The following MTX3 variants were observed in gnomAD, a reference collection of about 807,000 sequenced individuals.
MTX3 encodes the protein metaxin-3.
A neutral mutation model predicts 42.5 loss-of-function variants in MTX3; 27 were observed. The observed-to-expected ratio is 0.64, with a 90% CI of 0.47 to 0.88. The LOEUF is 0.88. MTX3 is among the 40% of genes least tolerant of loss of function. MTX3 has a pLI of 0.00. For synonymous variants in MTX3, 144 were observed against 132.9 expected, an observed-to-expected ratio of 1.08 and a Z score of -0.57; for missense variants, 378 against 367.0, an observed-to-expected ratio of 1.03 and a Z score of -0.25.
intron 3 of MTX3, 136 bp downstream of exon 3, chr5:79,990,024 A>G (rs1352937167): frequency 2.0e-6 from 1 of 493,950 alleles, no homozygotes; most frequent in South Asian, 4.4e-5. Context: ...GTGATTCTCA[A>G]ATCTATTTTT....
intron 6 of MTX3, 24 bp downstream of exon 6, chr5:79,988,215 A>G: frequency 7.3e-7 from 1 of 1,361,504 alleles, no homozygotes; most frequent in Non-Finnish European, 1.0e-6. Flanking sequence ...AAAATACCAA[A>G]ATGATTTTTA....
rs1831365696 is a variant in MTX3 at position 79,981,212 on chromosome 5, T to C, written c.*2472A>G. On this transcript the variant is annotated 3_prime_UTR_variant, in exon 9 of 9. Coordinates refer to ENST00000512528, the MANE Select transcript of MTX3 (RefSeq NM_001363818.2). ...AGTTCTTTTCTAAGAGCTTCCTGTA[T>C]GTGTGGCTGCTCCCTAAAGTACTTT... 6.6e-6 allele frequency: 1 copy of C among 152,162 alleles called. No homozygotes were observed. Among genetic ancestry groups the C allele is most frequent in the Non-Finnish European group, 1.5e-5 (1 of 68,068 alleles). The allele number at this position is 152,162 out of a possible 1,614,324, so 9.4% of individuals were successfully genotyped here. A position where few individuals can be genotyped will look rare whatever the true frequency, so the allele number is the denominator to read the frequency against.
intron 7 of MTX3, among the ~76,000 whole-genome samples, chr5:79,986,423 T>C (rs2151141899): frequency 6.6e-6 from 1 of 152,334 alleles, no homozygotes; most frequent in East Asian, 1.9e-4. Context: ...CTCCACTCTC[T>C]CAATGAAGCA....
In MTX3 at chr5:79,990,218, G is replaced by C; in HGVS notation, c.170C>G (p.Thr57Arg). The change falls in exon 3 of 9, where the codon ACA becomes AGA. Residue 57 changes from threonine (T) to arginine (R), a missense_variant. By Grantham distance (71) the Thr-to-Arg change is moderately conservative. Transcript: ENST00000512528. ...CTGAGAAACCATGTCGTCTTCAGTT[G>C]TCAAAATTGGTACATCGCCTATAAT... ...RGSRGDVPILTTEDDMVSQPA... is the reference protein window; with the variant it reads ...RGSRGDVPILRTEDDMVSQPA... The C allele has an allele frequency of 1.2e-6, 2 of 1,608,576 alleles. No homozygotes were observed. The highest frequency in any genetic ancestry group is 1.7e-6 in the Non-Finnish European group (2 of 1,177,370).
In MTX3 at chr5:79,989,094, AGACT is replaced by A. The variant is rs141092427; in HGVS notation, c.321+54_321+57del. ...TTTTCTCATTGGTTTTTTTCTAAAC[AGACT>A]ATGTACATTTGCAACTAGGCTACTA... On this transcript the variant is annotated intron_variant, in intron 4 of 8. Coordinates refer to ENST00000512528, the MANE Select transcript of MTX3 (RefSeq NM_001363818.2). The A allele has an allele frequency of 5.5e-3, 6,572 of 1,205,508 alleles. 286 individuals carry two copies. The African/African-American group carries it at 0.091, about 17-fold the overall frequency. The allele number at this position is 1,205,508 out of a possible 1,614,324, so 74.7% of individuals were successfully genotyped here. A position where few individuals can be genotyped will look rare whatever the true frequency, so the allele number is the denominator to read the frequency against.
In MTX3 at chr5:79,987,233, G is replaced by A. The variant is rs913631644; in HGVS notation, c.582-126C>T. 11 of 721,492 alleles carry A rather than the reference G, an allele frequency of 1.5e-5. No homozygotes were observed. In the East Asian group the frequency reaches 1.6e-4, roughly 11 times the overall value. 44.7% of individuals were successfully genotyped at this position (721,492 alleles called of 1,614,324 possible). ...GCGGGGGCAGATCACTTGAGGTCAG[G>A]AGTTCCAGATAAGCCTGGCCAACAT... On this transcript the variant is annotated intron_variant, in intron 6 of 8. Transcript: ENST00000512528.
At position 79,983,610 on chromosome 5, in the gene MTX3, T is replaced by A. The variant is rs973433362; in HGVS notation, c.*74A>T. 9.3e-7 allele frequency: 1 copy of A among 1,073,754 alleles called. No homozygotes were observed. The highest frequency in any genetic ancestry group is 1.5e-6 in the Non-Finnish European group (1 of 688,362). The allele number at this position is 1,073,754 out of a possible 1,614,324, so 66.5% of individuals were successfully genotyped here. On this transcript the variant is annotated 3_prime_UTR_variant, in exon 9 of 9. Coordinates refer to ENST00000512528, the MANE Select transcript of MTX3 (RefSeq NM_001363818.2). ...CTTAATACCTATTATGGTATCTTCT[T>A]TTTGCCTTCACACACTTGGTGTAAG...
chr5:79,987,202 GATCAA>G, intron 6 of MTX3, 95 bp from the exon 7 acceptor site: 7 of 1,093,580 alleles, frequency 6.4e-6, no homozygotes, highest in Non-Finnish European at 6.7e-6. Context: ...TACTTTGGGA[GATCAA>G]GCGGGGGCAG....
Position 79,980,707 on chromosome 5 carries a change from A to C in MTX3, c.*2977T>G, listed in dbSNP as rs1831353965. ...CAAGCATGTTCCCTTTAATCATATT[A>C]TCCTCCACCATTACTTCCAAAAGGC... is the stretch of plus-strand genomic sequence containing the variant. On this transcript the variant is annotated 3_prime_UTR_variant, in exon 9 of 9. Transcript: ENST00000512528. The C allele has an allele frequency of 6.6e-6, 1 of 152,226 alleles. No homozygotes were observed. Among genetic ancestry groups the C allele is most frequent in the Admixed American group, 6.5e-5 (1 of 15,288 alleles). 9.4% of individuals were successfully genotyped at this position (152,226 alleles called of 1,614,324 possible). A position where few individuals can be genotyped will look rare whatever the true frequency, so the allele number is the denominator to read the frequency against.
chr5:79,984,194 G>A (rs1017401565), intron 8 of MTX3, among the ~76,000 whole-genome samples: 3 of 152,126 alleles, frequency 2.0e-5, no homozygotes, highest in Admixed American at 6.5e-5. Flanking sequence ...ATGAAGAAAA[G>A]GCAGACACAG....
Position 79,988,563 on chromosome 5 carries a change from T to A in MTX3, c.403A>T (p.Ser135Cys). The A allele has an allele frequency of 6.2e-7, 1 of 1,609,824 alleles. No individual in the cohort carries two copies. The highest frequency in any genetic ancestry group is 8.5e-7 in the Non-Finnish European group (1 of 1,178,054). ...WFASQIPFPLSLILPGRMSKG... is the reference protein window; with the variant it reads ...WFASQIPFPLCLILPGRMSKG... ...GACATTCTTCCAGGCAGGATCAAAC[T>A]CAAAGGAAAAGGAATTTGTGAAGCA... Residue 135 changes from serine (S) to cysteine (C), a missense_variant, in exon 5 of 9, where the codon AGT (serine) becomes TGT (cysteine). Coordinates refer to ENST00000512528, the MANE Select transcript of MTX3 (RefSeq NM_001363818.2).
intron 1 of MTX3, 47 bp from the exon 2 acceptor site, chr5:79,990,710 C>T: frequency 7.2e-7 from 1 of 1,391,434 alleles, no homozygotes; most frequent in Non-Finnish European, 1.0e-6. Flanking sequence ...GTGCGTAATG[C>T]AAAGCTGCAG....
chr5:79,986,481 GCAAT>G (rs1831492908), intron 7 of MTX3, among the ~76,000 whole-genome samples: 2 of 152,168 alleles, frequency 1.3e-5, no homozygotes, highest in Admixed American at 1.3e-4. Flanking sequence ...CCATTCTGAT[GCAAT>G]CAGTTTTCAA....
Position 79,981,272 on chromosome 5 carries a change from T to G in MTX3, c.*2412A>C, listed in dbSNP as rs1831367062. 1.3e-5 allele frequency: 2 copies of G among 152,188 alleles called. No individual in the cohort carries two copies. Among genetic ancestry groups the G allele is most frequent in the Admixed American group, 1.3e-4 (2 of 15,274 alleles). 9.4% of individuals were successfully genotyped at this position (152,188 alleles called of 1,614,324 possible). A position where few individuals can be genotyped will look rare whatever the true frequency, so the allele number is the denominator to read the frequency against. On this transcript the variant is annotated 3_prime_UTR_variant, in exon 9 of 9. Coordinates refer to ENST00000512528, the MANE Select transcript of MTX3 (RefSeq NM_001363818.2). Reference sequence around the variant, plus strand: ...TACAGCTTCCTGTCATCTCATTTACTTATACATAAATAGCTCAACTAAGTA... The same window carrying G: ...TACAGCTTCCTGTCATCTCATTTACGTATACATAAATAGCTCAACTAAGTA...
chr5:79,982,473 G>C lies in MTX3; in HGVS notation c.*1211C>G. On this transcript the variant is annotated 3_prime_UTR_variant, in exon 9 of 9. Coordinates refer to ENST00000512528, the MANE Select transcript of MTX3 (RefSeq NM_001363818.2). ...TTTTAAGACACTAATCAAAAACATG[G>C]TTCTACATTTTAAAAACCTCAGAAG... is the stretch of plus-strand genomic sequence containing the variant. 2.2e-6 allele frequency: 1 copy of C among 453,472 alleles called. No individual in the cohort carries two copies. The highest frequency in any genetic ancestry group is 1.6e-5 in the South Asian group (1 of 63,652). 28.1% of individuals were successfully genotyped at this position (453,472 alleles called of 1,614,324 possible).
intron 8 of MTX3, 59 bp from the exon 9 acceptor site, chr5:79,983,853 T>C (rs1234701503): frequency 1.8e-6 from 2 of 1,123,528 alleles, no homozygotes; most frequent in Non-Finnish European, 2.7e-6. Flanking sequence ...ATGTGGACTG[T>C]GGCCTCCCCA....
chr5:79,986,100 C>T (rs1831483800), intron 7 of MTX3, among the ~76,000 whole-genome samples: 1 of 151,786 alleles, frequency 6.6e-6, no homozygotes, highest in African/African-American at 2.4e-5. Flanking sequence ...TTCAGAAGAA[C>T]TTAAAAATAC....
intron 4 of MTX3, among the ~76,000 whole-genome samples, chr5:79,988,947 C>T (rs1228181615): frequency 6.6e-6 from 1 of 152,174 alleles, no homozygotes; most frequent in African/African-American, 2.4e-5. Flanking sequence ...CAAAGAATTT[C>T]CAACATGACA....
chr5:79,983,854 G>T lies in MTX3; in HGVS notation c.829-60C>A. 3 of 1,110,928 alleles carry T rather than the reference G, an allele frequency of 2.7e-6. No individual in the cohort carries two copies. The East Asian group carries it at 7.1e-5, about 26-fold the overall frequency. 68.8% of individuals were successfully genotyped at this position (1,110,928 alleles called of 1,614,324 possible). A position where few individuals can be genotyped will look rare whatever the true frequency, so the allele number is the denominator to read the frequency against. On this transcript the variant is annotated intron_variant, in intron 8 of 8. Transcript: ENST00000512528. ...CTGTGGCACCGCTTATGTGGACTGT[G>T]GCCTCCCCATCCAAACTATAGCCTA...
Sources: gnomAD v4.1 joint callset for allele counts (sites outside exome capture counted in the v4.1 genomes callset) on GRCh38, gnomAD v4.1.1 for gene constraint, MANE v1.5 for transcripts, NCBI Gene and HGNC (gene_info 2026-07-23, HGNC 2026-07-21) for gene names.